CCDC33: variants seen among roughly 807,000 people sequenced by gnomAD.
CCDC33 encodes coiled-coil domain-containing protein 33.
CCDC33 carries 94 observed loss-of-function variants against 91.9 expected under a neutral mutation model. That is an observed-to-expected ratio of 1.02 (90% CI 0.87 to 1.21). The LOEUF is 1.21. Ranked by LOEUF, CCDC33 falls within the 50% of genes most tolerant of loss-of-function variation. The probability of loss-of-function intolerance (pLI) is 0.00; values close to 1 mark genes in which losing one functional copy is unlikely to be tolerated. For synonymous variants in CCDC33, 396 were observed against 374.5 expected (o/e 1.06, Z -0.66); for missense variants, 940 against 935.5 (o/e 1.00, Z -0.06).
Position 74,208,799 on chromosome 15 carries a change from C to T in CCDC33, n.90-589C>T. The T allele has an allele frequency of 1.0e-6, 1 of 989,004 alleles. No homozygotes were observed. The highest frequency in any genetic ancestry group is 1.2e-6 in the Non-Finnish European group (1 of 832,252). 61.3% of individuals were successfully genotyped at this position (989,004 alleles called of 1,614,324 possible). On this transcript the variant is annotated intron_variant and non_coding_transcript_variant, in intron 1 of 3. Coordinates refer to the CCDC33 transcript ENST00000558645. Reference sequence around the variant, plus strand: ...GCCTCCCAGACTTGGCTCCAGCCTACCTCCAATCAAGCGCTCTCCTGACCT... The same window carrying T: ...GCCTCCCAGACTTGGCTCCAGCCTATCTCCAATCAAGCGCTCTCCTGACCT...
rs180906901 is a variant in CCDC33 at position 74,240,884 on chromosome 15, C to T, written c.22-3101C>T. On this transcript the variant is annotated intron_variant, in intron 1 of 18. Coordinates refer to ENST00000398814, the MANE Select transcript of CCDC33 (RefSeq NM_025055.5). ...CTGGGATTACAGGCGTGAGCCACCA[C>T]ACCCGGCCAAGTTGAAACCTAGGTC... 5.3e-5 allele frequency among the ~76,000 whole-genome samples: 8 copies of T among 152,348 alleles called. No individual in the cohort carries two copies. In the East Asian group the frequency reaches 1.5e-3, roughly 29 times the overall value.
In CCDC33 at chr15:74,331,264, C is replaced by T. The variant is rs765902277; in HGVS notation, c.1739C>T (p.Pro580Leu). Reference protein sequence around the residue: ...DRLQDRSKPPPLNRQQGKPYT... With the variant: ...DRLQDRSKPPLLNRQQGKPYT... The stretch of plus-strand genomic sequence containing the variant: ...CTGCAGGACAGGAGCAAGCCCCCTC[C>T]TCTGAACAGGCAGCAGGGAAAGCCC... The change falls in exon 15 of 19, where the codon CCT becomes CTT. Residue 580 changes from proline (P) to leucine (L), a missense_variant. Coordinates refer to ENST00000398814, the MANE Select transcript of CCDC33 (RefSeq NM_025055.5). 3 of 1,614,068 alleles carry T rather than the reference C, an allele frequency of 1.9e-6. No homozygotes were observed. The highest frequency in any genetic ancestry group is 2.5e-6 in the Non-Finnish European group (3 of 1,179,998).
rs1478830708 is a variant in CCDC33 at position 74,236,402 on chromosome 15, T to A, written c.-318T>A. ...CCGTCCTAGGTGTGCCAAGAGTCAA[T>A]TGCCTCATTGCTGACCCTGTCCAGC... On this transcript the variant is annotated 5_prime_UTR_variant, in exon 1 of 19. It adds an upstream start codon to the 5' untranslated region. Transcript: ENST00000398814. The A allele has an allele frequency of 8.2e-6, 3 of 366,606 alleles. No individual in the cohort carries two copies. The highest frequency in any genetic ancestry group is 1.5e-5 in the Non-Finnish European group (3 of 203,072). 22.7% of individuals were successfully genotyped at this position (366,606 alleles called of 1,614,324 possible). A position where few individuals can be genotyped will look rare whatever the true frequency, so the allele number is the denominator to read the frequency against.
chr15:74,268,336 C>T lies in CCDC33; in HGVS notation c.430-6C>T. 1 of 1,608,340 alleles carries T rather than the reference C, an allele frequency of 6.2e-7. No individual in the cohort carries two copies. Among genetic ancestry groups the T allele is most frequent in the Non-Finnish European group, 8.5e-7 (1 of 1,174,848 alleles). On this transcript the variant is annotated splice_polypyrimidine_tract_variant and splice_region_variant and intron_variant, in intron 4 of 18. Transcript: ENST00000398814. ...TCTGTGTCTTCTGCCCCAACCCTGT[C>T]TCCAGCCCACTGAGTCTGGGAAAGC...
chr15:74,217,582 G>T lies in CCDC33; in HGVS notation c.310+1G>T. 3 of 1,228,766 alleles carry T rather than the reference G, an allele frequency of 2.4e-6. No homozygotes were observed. The highest frequency in any genetic ancestry group is 3.1e-6 in the Non-Finnish European group (3 of 956,598). The allele number at this position is 1,228,766 out of a possible 1,614,324, so 76.1% of individuals were successfully genotyped here. ...AAGTTTATCTTTACTTTGCCCAAAG[G>T]TATGAAGTAGGGGTGGGGTTTGGGG... On this transcript the variant is annotated splice_donor_variant, in intron 1 of 2. Transcript: ENST00000635913. LOFTEE classifies it high-confidence loss of function.
rs1490804681 is a variant in CCDC33 at position 74,280,066 on chromosome 15, T to G, written c.863T>G (p.Val288Gly). The change falls in exon 8 of 19, where the codon GTG becomes GGG. Residue 288 changes from valine (V) to glycine (G), a missense_variant. Physicochemically the swap from Val to Gly is moderately radical, Grantham distance 109. Coordinates refer to ENST00000398814, the MANE Select transcript of CCDC33 (RefSeq NM_025055.5). ...ATSFSEDTALVLEYYSSTSMK... is the reference protein window; with the variant it reads ...ATSFSEDTALGLEYYSSTSMK... ...AGCTTCTCAGAAGACACAGCCCTGG[T>G]GCTGGAGTACTACTCCTCAACTTCA... is the stretch of plus-strand genomic sequence containing the variant. 6.2e-7 allele frequency: 1 copy of G among 1,614,096 alleles called. No homozygotes were observed. Among genetic ancestry groups the G allele is most frequent in the Admixed American group, 1.7e-5 (1 of 60,024 alleles).
chr15:74,257,057 C>G (rs2075888059), intron 2 of CCDC33, among the ~76,000 whole-genome samples: 1 of 152,228 alleles, frequency 6.6e-6, no homozygotes, highest in South Asian at 2.1e-4. Context: ...GAGCTGGGCC[C>G]TCAGGGACTG....
At chr15:74,236,846 C>G (rs968649944) in intron 1 of CCDC33, 106 bp downstream of exon 1, 70 of 1,129,948 alleles carry the variant, frequency 6.2e-5, no homozygotes, top group Non-Finnish European at 5.8e-5. Flanking sequence ...AGCTTCCCTT[C>G]CCTGGGTCTC....
chr15:74,336,213 T>C, downstream of CCDC33: 2 of 1,431,632 alleles, frequency 1.4e-6, no homozygotes, highest in Non-Finnish European at 1.8e-6. Context: ...ACTCTGGGCC[T>C]GGGCCTGGGT....
chr15:74,209,288 C>G, intron 1 of CCDC33: 2 of 1,364,104 alleles, frequency 1.5e-6, no homozygotes, highest in South Asian at 1.2e-5. Flanking sequence ...AGTGGAGAAG[C>G]CTGCACAGGG....
chr15:74,256,838 G>T (rs2075881022), intron 2 of CCDC33, among the ~76,000 whole-genome samples: 1 of 152,232 alleles, frequency 6.6e-6, no homozygotes, highest in South Asian at 2.1e-4. Flanking sequence ...AGCTCTGTGG[G>T]CTGTGGCTTT....
intron 4 of CCDC33, among the ~76,000 whole-genome samples, chr15:74,267,895 A>G (rs2076210040): frequency 6.6e-6 from 1 of 152,172 alleles, no homozygotes. Context: ...CATTTCTTCA[A>G]TCATGGCACC....
intron 1 of CCDC33, among the ~76,000 whole-genome samples, chr15:74,240,748 G>A (rs560501217): frequency 2.0e-5 from 3 of 152,022 alleles, no homozygotes; most frequent in Non-Finnish European, 4.4e-5. Context: ...TCATGCCACC[G>A]CACCTGGCTG....
At chr15:74,327,347 G>C (rs1009356313) in intron 11 of CCDC33, among the ~76,000 whole-genome samples, 3 of 152,188 alleles carry the variant, frequency 2.0e-5, no homozygotes, top group Non-Finnish European at 4.4e-5. Context: ...TAATAACAGA[G>C]CTCTGGGCCA....
At position 74,205,436 on chromosome 15, in the gene CCDC33, A is replaced by T. The variant is rs555905869; in HGVS notation, n.89+2338A>T. ...GACACTTGGCAAGAGAGGGAGCAGG[A>T]GAGATGCCAGGCACTTACAAATAGC... On this transcript the variant is annotated intron_variant and non_coding_transcript_variant, in intron 1 of 3. Transcript: ENST00000558645. Among the ~76,000 whole-genome samples the T allele has an allele frequency of 3.9e-5, 6 of 152,262 alleles. No homozygotes were observed. In the South Asian group the frequency reaches 1.2e-3, roughly 32 times the overall value.
upstream of CCDC33, among the ~76,000 whole-genome samples, chr15:74,235,621 G>A (rs924863154): frequency 6.6e-6 from 1 of 152,088 alleles, no homozygotes; most frequent in Non-Finnish European, 1.5e-5. Context: ...CCAGGCCAAG[G>A]ACTAGTCTCT....
intron 11 of CCDC33, among the ~76,000 whole-genome samples, chr15:74,313,983 G>T (rs890161650): frequency 1.3e-5 from 2 of 152,150 alleles, no homozygotes; most frequent in Non-Finnish European, 2.9e-5. Context: ...TGTCCTGTCT[G>T]CACTCCCACG....
Position 74,316,256 on chromosome 15 carries a change from C to T in CCDC33, c.1291-13933C>T, listed in dbSNP as rs990720061. ...CAGCAGCCCACACTTGTTCTATGTC[C>T]GGTGATGGGTCCCTGAGGGTCCGCT... On this transcript the variant is annotated intron_variant, in intron 11 of 18. Coordinates refer to ENST00000398814, the MANE Select transcript of CCDC33 (RefSeq NM_025055.5). This position sits in a 1 kb window ranked among gnomAD's most constrained non-coding sequence, Gnocchi z 4.7. Among the ~76,000 whole-genome samples, 2 of 152,150 alleles carry T rather than the reference C, an allele frequency of 1.3e-5. No individual in the cohort carries two copies. Among genetic ancestry groups the T allele is most frequent in the East Asian group, 1.9e-4 (1 of 5,180 alleles).
chr15:74,304,362 G>C (rs2059852126), intron 11 of CCDC33: 1 of 152,140 alleles, frequency 6.6e-6, no homozygotes, highest in African/African-American at 2.4e-5. Flanking sequence ...CTCTCCCTCT[G>C]ACCCTTTCTC....
Sources: allele counts gnomAD v4.1 joint callset (sites outside exome capture counted in the v4.1 genomes callset), GRCh38; gene constraint gnomAD v4.1.1; non-coding constraint Gnocchi (gnomAD v3.1); transcripts MANE v1.5; gene names NCBI Gene and HGNC (gene_info 2026-07-23, HGNC 2026-07-21).